The following ATXN7 variants were observed in gnomAD, a reference collection of about 807,000 sequenced individuals.
The protein encoded by ATXN7 is ataxin-7.
A neutral mutation model predicts 70.5 loss-of-function variants in ATXN7; 12 were observed. That is an observed-to-expected ratio of 0.17 (90% CI 0.11 to 0.28). The LOEUF is 0.28. ATXN7 is among the 10% of genes least tolerant of loss of function. The pLI, the probability that ATXN7 is intolerant of heterozygous loss-of-function variation, is 1.00. For missense variants in ATXN7, 1,256 were observed against 1,131.7 expected, an observed-to-expected ratio of 1.11 and a Z score of -1.58; for synonymous variants, 498 against 448.7, an observed-to-expected ratio of 1.11 and a Z score of -1.39.
At chr3:63,908,891 T>A (rs1351042851) in intron 2 of ATXN7, among the ~76,000 whole-genome samples, 1 of 152,200 alleles carries the variant, frequency 6.6e-6, no homozygotes, top group African/African-American at 2.4e-5. Flanking sequence ...TTTAAATATG[T>A]CCTTGGAAGG....
At chr3:63,913,314 ACCGACTCC>A in intron 4 of ATXN7, 89 bp downstream of exon 4, 2 of 1,330,202 alleles carry the variant, frequency 1.5e-6, no homozygotes, top group South Asian at 1.2e-5. Flanking sequence ...AGCCCACCAT[ACCGACTCC>A]CCGACTCCCC....
rs1285933797 is a variant in ATXN7, at chr3:63,961,540, A to G, written c.499+9057A>G. ...CAGTTCTGATTTGGGTTGCCACAAT[A>G]ATAAGGCAGTGAAAATGTGAGTTTC... is the stretch of plus-strand genomic sequence containing the variant. On this transcript the variant is annotated intron_variant, in intron 5 of 12. Transcript: ENST00000674280. 6.6e-5 allele frequency among the ~76,000 whole-genome samples: 10 copies of G among 152,284 alleles called. 1 individual carries two copies. In the South Asian group the frequency reaches 2.1e-3, roughly 32 times the overall value.
intron 4 of ATXN7, among the ~76,000 whole-genome samples, chr3:63,941,657 C>G (rs2074770928): frequency 6.6e-6 from 1 of 151,736 alleles, no homozygotes; most frequent in African/African-American, 2.4e-5. Flanking sequence ...TATTTATTGA[C>G]TGCTTTGGTT....
chr3:63,974,028 C>T (rs1005811), intron 5 of ATXN7, among the ~76,000 whole-genome samples: 60,180 of 151,870 alleles, frequency 0.4, 12,701 homozygotes, highest in African/African-American at 0.54. Flanking sequence ...AGGATTTAAC[C>T]TGTAGCTTGG....
chr3:63,887,165 A>G (rs1703113917), intron 1 of ATXN7, among the ~76,000 whole-genome samples: 1 of 152,178 alleles, frequency 6.6e-6, no homozygotes. Context: ...TGAGCCCGTT[A>G]GGTGTGAGAT....
intron 5 of ATXN7, among the ~76,000 whole-genome samples, chr3:63,965,547 A>T (rs1190964338): frequency 6.6e-6 from 1 of 152,170 alleles, no homozygotes; most frequent in Non-Finnish European, 1.5e-5. Context: ...TGAGGCACGG[A>T]TGTTATTCTA....
intron 8 of ATXN7, among the ~76,000 whole-genome samples, chr3:63,986,853 A>G (rs1326094894): frequency 6.6e-6 from 1 of 152,238 alleles, no homozygotes; most frequent in Non-Finnish European, 1.5e-5. Context: ...TGTACCAACT[A>G]TGCCAATACA....
intron 2 of ATXN7, among the ~76,000 whole-genome samples, chr3:63,898,836 T>C (rs1265048413): frequency 6.6e-6 from 1 of 152,198 alleles, no homozygotes; most frequent in Non-Finnish European, 1.5e-5. Flanking sequence ...TGTGCTCTTG[T>C]TTCTTTCCAG....
intron 5 of ATXN7, among the ~76,000 whole-genome samples, chr3:63,957,084 G>A (rs1320670563): frequency 3.3e-5 from 5 of 152,198 alleles, no homozygotes; most frequent in Non-Finnish European, 7.3e-5. Flanking sequence ...GACTTGTGGG[G>A]TGTTTTTGAG....
Position 63,990,392 on chromosome 3 carries a change from C to T in ATXN7, c.1560+18C>T. The stretch of plus-strand genomic sequence containing the variant: ...CAGCATCTGTAAGTTCCACGTCCAC[C>T]CCCGCGTTGACCCTCCCCACACAGC... On this transcript the variant is annotated intron_variant, in intron 10 of 12. Coordinates refer to ENST00000674280, the MANE Select transcript of ATXN7 (RefSeq NM_001377405.1). The T allele has an allele frequency of 1.2e-6, 2 of 1,613,812 alleles. No homozygotes were observed. The highest frequency in any genetic ancestry group is 1.7e-6 in the Non-Finnish European group (2 of 1,179,840).
At chr3:63,970,745 C>T (rs779547153) in intron 5 of ATXN7, among the ~76,000 whole-genome samples, 7 of 152,298 alleles carry the variant, frequency 4.6e-5, no homozygotes, top group Non-Finnish European at 1.0e-4. Context: ...CTGTCCCTTC[C>T]CCCACTGGAG....
chr3:63,875,843 A>G, intron 1 of ATXN7, among the ~76,000 whole-genome samples: 1 of 152,042 alleles, frequency 6.6e-6, no homozygotes, highest in East Asian at 1.9e-4. Context: ...CTTTCCCCCC[A>G]TTACTTTTAA....
At chr3:63,913,121 GC>G in intron 3 of ATXN7, 35 bp from the exon 4 acceptor site, 2 of 1,602,810 alleles carry the variant, frequency 1.2e-6, no homozygotes. Flanking sequence ...CCACTGACCT[GC>G]CTCTCCCCTC....
intron 4 of ATXN7, among the ~76,000 whole-genome samples, chr3:63,919,450 G>A (rs561690681): frequency 6.6e-6 from 1 of 152,220 alleles, no homozygotes; most frequent in South Asian, 2.1e-4. Context: ...TTGAAGGGGA[G>A]AATCTTCAAA....
chr3:63,934,592 C>G (rs1043073904), intron 4 of ATXN7, among the ~76,000 whole-genome samples: 17 of 152,126 alleles, frequency 1.1e-4, no homozygotes, highest in Non-Finnish European at 2.2e-4. Context: ...TTTTAAAGTA[C>G]TTCCTCTCTG....
intron 12 of ATXN7, chr3:63,999,222 T>C: frequency 2.0e-6 from 1 of 501,030 alleles, no homozygotes; most frequent in Non-Finnish European, 3.6e-6. Flanking sequence ...GCAACTCTTC[T>C]AGCCAGTTGG....
At chr3:63,884,234 CACACACA>C (rs1703006915) in intron 1 of ATXN7, among the ~76,000 whole-genome samples, 2 of 141,060 alleles carry the variant, frequency 1.4e-5, no homozygotes, top group Admixed American at 7.3e-5. Context: ...CACACACACA[CACACACA>C]TACTCTCACA....
chr3:63,934,860 T>A (rs2074628621), intron 4 of ATXN7, among the ~76,000 whole-genome samples: 1 of 152,192 alleles, frequency 6.6e-6, no homozygotes, highest in African/African-American at 2.4e-5. Flanking sequence ...AATTCTTTAT[T>A]GTGAGAGAAT....
At chr3:63,931,652 A>G (rs537968828) in intron 4 of ATXN7, among the ~76,000 whole-genome samples, 1 of 152,138 alleles carries the variant, frequency 6.6e-6, no homozygotes, top group Non-Finnish European at 1.5e-5. Context: ...ATTTTTTCAA[A>G]TACCCTTGAC....
Sources: allele counts gnomAD v4.1 joint callset (sites outside exome capture counted in the v4.1 genomes callset), GRCh38; gene constraint gnomAD v4.1.1; transcripts MANE v1.5; gene names NCBI Gene and HGNC (gene_info 2026-07-23, HGNC 2026-07-21).